MED12L: variants seen among roughly 807,000 people sequenced by gnomAD.
MED12L encodes mediator complex subunit 12L.
A neutral mutation model predicts 281.3 loss-of-function variants in MED12L; 60 were observed. The ratio of observed to expected loss-of-function variants is 0.21; its 90% CI spans 0.17 to 0.26. The LOEUF is 0.26. Among genes scored for constraint, MED12L ranks in the 10% least tolerant of loss-of-function variants. The pLI, the probability that MED12L is intolerant of heterozygous loss-of-function variation, is 1.00. For missense variants in MED12L, 2,146 were observed against 2,680.9 expected (o/e 0.80, Z 4.41); for synonymous variants, 974 against 987.2 (o/e 0.99, Z 0.25).
intron 32 of MED12L, among the ~76,000 whole-genome samples, chr3:151,381,629 C>T (rs753551416): frequency 2.0e-4 from 30 of 152,182 alleles, no homozygotes; most frequent in African/African-American, 2.7e-4. Flanking sequence ...TTACCTCCTT[C>T]GGGAGGCCTT....
chr3:151,427,679 G>A (rs1388407407), intron 43 of MED12L, among the ~76,000 whole-genome samples: 1 of 152,150 alleles, frequency 6.6e-6, no homozygotes, highest in Non-Finnish European at 1.5e-5. Context: ...AATTATTTCT[G>A]AATAAGTTGA....
At chr3:151,220,085 T>C (rs370935205) in intron 16 of MED12L, among the ~76,000 whole-genome samples, 1 of 148,744 alleles carries the variant, frequency 6.7e-6, no homozygotes, top group African/African-American at 2.5e-5. Flanking sequence ...TCCTATGCAT[T>C]GTAAGATGTT....
In MED12L at chr3:151,383,775, C is replaced by T; in HGVS notation, c.4681-4C>T. The T allele has an allele frequency of 6.3e-7, 1 of 1,599,408 alleles. No individual in the cohort carries two copies. Among genetic ancestry groups the T allele is most frequent in the South Asian group, 1.1e-5 (1 of 89,846 alleles). On this transcript the variant is annotated splice_polypyrimidine_tract_variant and splice_region_variant and intron_variant, in intron 33 of 44. Coordinates refer to ENST00000687756, the MANE Select transcript of MED12L (RefSeq NM_001393769.1). ...CAAATATCTTACTGTATTTTGTCTG[C>T]TAGGTAGGAGGAATGTTTGACACGG...
chr3:151,381,077 A>G (rs984410937), intron 32 of MED12L, among the ~76,000 whole-genome samples: 7 of 152,242 alleles, frequency 4.6e-5, no homozygotes, highest in African/African-American at 1.7e-4. Flanking sequence ...TCTATGTACT[A>G]TAAGGAAACT....
At chr3:151,098,016 C>A (rs1720943312) in intron 2 of MED12L, among the ~76,000 whole-genome samples, 1 of 152,190 alleles carries the variant, frequency 6.6e-6, no homozygotes, top group Non-Finnish European at 1.5e-5. Flanking sequence ...GACGAAGGAG[C>A]AGCACATGCA....
At chr3:151,346,452 C>G (rs1362179965) in intron 16 of MED12L, among the ~76,000 whole-genome samples, 4 of 152,254 alleles carry the variant, frequency 2.6e-5, no homozygotes, top group Non-Finnish European at 4.4e-5. Context: ...TCATCATCAC[C>G]TCTTACTTTA....
chr3:151,254,513 C>T (rs564598940), intron 16 of MED12L, among the ~76,000 whole-genome samples: 1 of 152,206 alleles, frequency 6.6e-6, no homozygotes, highest in Non-Finnish European at 1.5e-5. Context: ...GATATGTAAA[C>T]ATGCTATATA....
At chr3:151,201,139 T>C (rs554003768) in intron 16 of MED12L, 2 of 152,322 alleles carry the variant, frequency 1.3e-5, no homozygotes, top group East Asian at 3.9e-4. Flanking sequence ...ATAAACTATT[T>C]TTAACTTTTT....
At chr3:151,117,247 A>T (rs1390819406) in intron 3 of MED12L, among the ~76,000 whole-genome samples, 1 of 151,620 alleles carries the variant, frequency 6.6e-6, no homozygotes, top group Admixed American at 6.6e-5. Context: ...AAATTGTTTC[A>T]TGTTCTGCCA....
chr3:151,176,627 G>T, intron 11 of MED12L, among the ~76,000 whole-genome samples: 1 of 150,578 alleles, frequency 6.6e-6, no homozygotes, highest in Non-Finnish European at 1.5e-5. Flanking sequence ...TAATTATCTG[G>T]GTGGGTGGGG....
intron 16 of MED12L, among the ~76,000 whole-genome samples, chr3:151,227,296 T>A (rs1730711116): frequency 6.6e-6 from 1 of 152,200 alleles, no homozygotes. Context: ...AAGCATAAAT[T>A]CGGCCCTCTC....
intron 16 of MED12L, chr3:151,329,564 T>G (rs539084051): frequency 6.8e-7 from 1 of 1,465,874 alleles, no homozygotes; most frequent in Admixed American, 2.0e-5. Flanking sequence ...GAAGCAAATG[T>G]TCTGCTTTCT....
Position 151,423,400 on chromosome 3 carries a change from T to C in MED12L, c.6409-6899T>C, listed in dbSNP as rs184016577. Among the ~76,000 whole-genome samples the C allele has an allele frequency of 1.3e-3, 191 of 152,292 alleles. 1 individual carries two copies. The highest frequency in any genetic ancestry group is 4.4e-3 in the African/African-American group (181 of 41,562). ...GACTCAGGGCAGAAATTAGTGCTTCTTTAAAACGTGTCACCAGAAAACAGA... is the reference window on the plus strand; with the variant it reads ...GACTCAGGGCAGAAATTAGTGCTTCCTTAAAACGTGTCACCAGAAAACAGA... On this transcript the variant is annotated intron_variant, in intron 43 of 44. Coordinates refer to ENST00000687756, the MANE Select transcript of MED12L (RefSeq NM_001393769.1).
chr3:151,421,278 C>G (rs568935532), intron 43 of MED12L, among the ~76,000 whole-genome samples: 4 of 152,304 alleles, frequency 2.6e-5, no homozygotes, highest in Non-Finnish European at 2.9e-5. Flanking sequence ...GGCGAGCACT[C>G]ACATGGAATA....
intron 16 of MED12L, among the ~76,000 whole-genome samples, chr3:151,273,199 C>T (rs953297230): frequency 3.3e-5 from 5 of 149,526 alleles, no homozygotes; most frequent in African/African-American, 9.8e-5. Context: ...ATGATGCTGG[C>T]AATGACAGCA....
rs184147356 is a variant in MED12L, at chr3:151,153,757, C to T, written c.557-2404C>T. On this transcript the variant is annotated intron_variant, in intron 5 of 44. Transcript: ENST00000687756. The stretch of plus-strand genomic sequence containing the variant: ...CTAATTTTTGTATTTTTAGTAGAGA[C>T]GGGGTTTCGCCATGTTGGCCAGGCT... Among the ~76,000 whole-genome samples, 143 of 151,856 alleles carry T rather than the reference C, an allele frequency of 9.4e-4. 2 individuals are homozygous for T. The highest frequency in any genetic ancestry group is 7.5e-3 in the Admixed American group (115 of 15,254).
chr3:151,093,752 C>T (rs183870927), intron 2 of MED12L, among the ~76,000 whole-genome samples: 31 of 152,274 alleles, frequency 2.0e-4, no homozygotes, highest in African/African-American at 7.5e-4. Flanking sequence ...GGGGTATAAG[C>T]GAGCAGGTCT....
At chr3:151,298,340 A>G (rs1745377127) in intron 16 of MED12L, among the ~76,000 whole-genome samples, 1 of 152,196 alleles carries the variant, frequency 6.6e-6, no homozygotes, top group Non-Finnish European at 1.5e-5. Context: ...AACATCTTTA[A>G]TTGACAGTAG....
At chr3:151,330,799 C>A (rs1164548991) in intron 16 of MED12L, among the ~76,000 whole-genome samples, 1 of 152,104 alleles carries the variant, frequency 6.6e-6, no homozygotes, top group Non-Finnish European at 1.5e-5. Flanking sequence ...ATAAATTAAT[C>A]CTTGGGAGTA....
Sources: gnomAD v4.1 joint callset for allele counts (sites outside exome capture counted in the v4.1 genomes callset) on GRCh38, gnomAD v4.1.1 for gene constraint, MANE v1.5 for transcripts, NCBI Gene and HGNC (gene_info 2026-07-23, HGNC 2026-07-21) for gene names.